The following SGCD variants were observed in gnomAD, a reference collection of about 807,000 sequenced individuals.
SGCD encodes sarcoglycan delta.
In SGCD, 18 loss-of-function variants were observed where a neutral mutation model predicts 36.6. The ratio of observed to expected loss-of-function variants is 0.49; its 90% CI spans 0.34 to 0.73. The LOEUF (loss-of-function observed/expected upper bound fraction) is 0.73. Ranked by LOEUF, SGCD falls within the 30% of genes least tolerant of loss-of-function variation. The pLI, the probability that SGCD is intolerant of heterozygous loss-of-function variation, is 0.01. For missense variants in SGCD, 387 were observed against 346.7 expected (o/e 1.12, Z -0.92); for synonymous variants, 133 against 130.6 (o/e 1.02, Z -0.12).
chr5:155,953,045 G>C (rs982942421), intron 1 of SGCD, among the ~76,000 whole-genome samples: 2 of 152,038 alleles, frequency 1.3e-5, no homozygotes, highest in Non-Finnish European at 2.9e-5. Context: ...GCACAGAAAG[G>C]CTTTTTTTAA....
chr5:156,070,576 A>G (rs528916420), intron 1 of SGCD, among the ~76,000 whole-genome samples: 8,525 of 149,870 alleles, frequency 0.057, 825 homozygotes, highest in African/African-American at 0.2. Context: ...CATCAAGGAT[A>G]TTGGTCTAAA....
chr5:156,135,637 A>G (rs1399431918), intron 3 of SGCD, among the ~76,000 whole-genome samples: 6 of 152,156 alleles, frequency 3.9e-5, no homozygotes, highest in Admixed American at 3.3e-4. Flanking sequence ...TGGGTCTTAT[A>G]TTAGAATTTT....
chr5:156,744,220 GAAC>G (rs1291603656), intron 7 of SGCD, among the ~76,000 whole-genome samples: 1 of 152,148 alleles, frequency 6.6e-6, no homozygotes, highest in Non-Finnish European at 1.5e-5. Flanking sequence ...ACCTGAGCTG[GAAC>G]AACATTTCCC....
the SGCD span, among the ~76,000 whole-genome samples, chr5:155,813,407 C>T: frequency 2.6e-5 from 4 of 152,072 alleles, no homozygotes; most frequent in South Asian, 2.1e-4. Flanking sequence ...AAAAGGCCTG[C>T]GCATGCCTGA....
At chr5:156,631,894 A>G (rs528389971) in intron 6 of SGCD, among the ~76,000 whole-genome samples, 16 of 152,180 alleles carry the variant, frequency 1.1e-4, no homozygotes, top group Non-Finnish European at 1.9e-4. Flanking sequence ...TTAGGGACAG[A>G]CAGTCAAGAC....
chr5:156,260,398 G>A (rs1259334154), intron 3 of SGCD, among the ~76,000 whole-genome samples: 1 of 151,954 alleles, frequency 6.6e-6, no homozygotes, highest in South Asian at 2.1e-4. Flanking sequence ...TCAATTTCTA[G>A]GTCTTACTAA....
the SGCD span, among the ~76,000 whole-genome samples, chr5:155,796,384 T>G: frequency 2.0e-5 from 3 of 152,156 alleles, no homozygotes; most frequent in Non-Finnish European, 4.4e-5. Context: ...ATTGGTAATG[T>G]AAAATCTTTT....
At chr5:156,441,117 G>A (rs760883228) in intron 3 of SGCD, among the ~76,000 whole-genome samples, 16 of 152,102 alleles carry the variant, frequency 1.1e-4, no homozygotes, top group East Asian at 1.9e-4. Flanking sequence ...GGTAGGTGGC[G>A]TCAGGAGCAG....
intron 3 of SGCD, among the ~76,000 whole-genome samples, chr5:156,485,631 G>T (rs956892105): frequency 6.6e-6 from 1 of 152,078 alleles, no homozygotes. Context: ...ACTCTAGCCT[G>T]GATGGCAGAG....
chr5:156,273,851 T>C (rs1454238463), intron 3 of SGCD, among the ~76,000 whole-genome samples: 1 of 152,196 alleles, frequency 6.6e-6, no homozygotes, highest in African/African-American at 2.4e-5. Context: ...GAGAAATAAC[T>C]GCCACCCTTG....
At chr5:155,793,185 T>C in the SGCD span, among the ~76,000 whole-genome samples, 1 of 152,184 alleles carries the variant, frequency 6.6e-6, no homozygotes, top group African/African-American at 2.4e-5. Context: ...TTCTCACTTA[T>C]AAGTGGGAGC....
At chr5:155,996,548 CG>C (rs930540684) in intron 1 of SGCD, among the ~76,000 whole-genome samples, 30 of 152,022 alleles carry the variant, frequency 2.0e-4, no homozygotes, top group African/African-American at 7.2e-4. Flanking sequence ...GAGGCCGAGG[CG>C]GGGGGATCAC....
At chr5:156,198,386 A>G (rs1764069764) in intron 3 of SGCD, among the ~76,000 whole-genome samples, 1 of 152,094 alleles carries the variant, frequency 6.6e-6, no homozygotes, top group African/African-American at 2.4e-5. Flanking sequence ...GAGCACTTGG[A>G]TTGAGAGACA....
chr5:156,159,173 A>G (rs574450879), intron 3 of SGCD, among the ~76,000 whole-genome samples: 2 of 151,788 alleles, frequency 1.3e-5, no homozygotes, highest in African/African-American at 4.9e-5. Context: ...AGGTCAAATG[A>G]AATAACCAAA....
intron 3 of SGCD, among the ~76,000 whole-genome samples, chr5:156,319,899 C>A (rs534438940): frequency 2.6e-5 from 4 of 152,060 alleles, no homozygotes; most frequent in East Asian, 1.9e-4. Context: ...CAATCCATTG[C>A]GGAAAGGATA....
At chr5:156,464,874 G>A (rs1281110213) in intron 3 of SGCD, among the ~76,000 whole-genome samples, 1 of 152,072 alleles carries the variant, frequency 6.6e-6, no homozygotes, top group Non-Finnish European at 1.5e-5. Flanking sequence ...CTTTTATATT[G>A]CTATTGATTT....
At chr5:155,867,928 T>A (rs1321483259), upstream of SGCD, among the ~76,000 whole-genome samples, 1 of 152,176 alleles carries the variant, frequency 6.6e-6, no homozygotes, top group Non-Finnish European at 1.5e-5. Flanking sequence ...GGATCCCCAG[T>A]CTCTCTGACT....
rs192443229 is a variant in SGCD, at chr5:156,761,372, G to C, written c.*1982G>C. ...AAGAGTTGGGCTGGTCACTCTTAGGGGTGAGACCCCGTGATTGGTTGGTTT... is the reference window on the plus strand; with the variant it reads ...AAGAGTTGGGCTGGTCACTCTTAGGCGTGAGACCCCGTGATTGGTTGGTTT... On this transcript the variant is annotated 3_prime_UTR_variant, in exon 9 of 9. Transcript: ENST00000337851. The C allele has an allele frequency of 1.3e-5, 2 of 152,156 alleles. No individual in the cohort carries two copies. Among genetic ancestry groups the C allele is most frequent in the Admixed American group, 1.3e-4 (2 of 15,286 alleles). The allele number at this position is 152,156 out of a possible 1,614,324, so 9.4% of individuals were successfully genotyped here.
At chr5:155,868,743 T>G (rs1755572548), upstream of SGCD, among the ~76,000 whole-genome samples, 1 of 152,148 alleles carries the variant, frequency 6.6e-6, no homozygotes, top group Admixed American at 6.6e-5. Context: ...GAGGCTTAAG[T>G]TAGCTGAAAT....
Sources: gnomAD v4.1 joint callset for allele counts (sites outside exome capture counted in the v4.1 genomes callset) on GRCh38, gnomAD v4.1.1 for gene constraint, MANE v1.5 for transcripts, NCBI Gene and HGNC (gene_info 2026-07-23, HGNC 2026-07-21) for gene names.